Variants in SGCZ observed in about 807,000 individuals in gnomAD.
SGCZ encodes sarcoglycan zeta.
A neutral mutation model predicts 41.3 loss-of-function variants in SGCZ; 40 were observed. The observed-to-expected ratio is 0.97, with a 90% CI of 0.75 to 1.26. The LOEUF is 1.26. Ranked by LOEUF, SGCZ falls within the 50% of genes most tolerant of loss-of-function variation. The pLI, the probability that SGCZ is intolerant of heterozygous loss-of-function variation, is 0.00. For missense variants in SGCZ, 552 were observed against 369.8 expected (o/e 1.49, Z -4.04); for synonymous variants, 206 against 137.5 (o/e 1.50, Z -3.49).
At chr8:15,114,744 C>T (rs527819130) in intron 1 of SGCZ, among the ~76,000 whole-genome samples, 4 of 150,532 alleles carry the variant, frequency 2.7e-5, no homozygotes, top group African/African-American at 2.4e-5. Context: ...GAGATACAAG[C>T]GTTTTCTTTT....
In SGCZ at chr8:14,111,870, A is replaced by G. The variant is rs151302044; in HGVS notation, c.548-3635T>C. On this transcript the variant is annotated intron_variant, in intron 5 of 7. Transcript: ENST00000382080. ...GACCGTTTAAGACATAAGCTAGGAT[A>G]CTACCCTTTACAAATGCCTAACATA... is the stretch of plus-strand genomic sequence containing the variant. Among the ~76,000 whole-genome samples, 11 of 152,344 alleles carry G rather than the reference A, an allele frequency of 7.2e-5. No individual in the cohort carries two copies. In the East Asian group the frequency reaches 1.9e-3, roughly 27 times the overall value.
rs1266909491 is a variant in SGCZ, at chr8:14,090,646, A to G, written c.745-9T>C. 1 of 1,605,658 alleles carries G rather than the reference A, an allele frequency of 6.2e-7. No homozygotes were observed. The highest frequency in any genetic ancestry group is 2.2e-5 in the East Asian group (1 of 44,786). On this transcript the variant is annotated splice_polypyrimidine_tract_variant and intron_variant, in intron 7 of 7. Transcript: ENST00000382080. ...TCTGCATTTAAAAATATCTATGGGA[A>G]AAAAGAAATTGCATTTTAATTCATT...
At chr8:15,181,426 G>C (rs1442738444) in intron 1 of SGCZ, among the ~76,000 whole-genome samples, 1 of 152,082 alleles carries the variant, frequency 6.6e-6, no homozygotes, top group Non-Finnish European at 1.5e-5. Flanking sequence ...AAAATAGCAT[G>C]TGTTCCCATG....
chr8:14,571,393 A>T (rs534480320), intron 1 of SGCZ, among the ~76,000 whole-genome samples: 1 of 152,320 alleles, frequency 6.6e-6, no homozygotes, highest in Non-Finnish European at 1.5e-5. Context: ...CAAACCAAGT[A>T]GTCACTGTTT....
intron 2 of SGCZ, among the ~76,000 whole-genome samples, chr8:14,386,966 G>C (rs1038265371): frequency 4.6e-5 from 7 of 152,182 alleles, no homozygotes; most frequent in African/African-American, 1.7e-4. Context: ...GAATTTCATA[G>C]AATCTAGTTT....
At chr8:14,767,154 T>G (rs982317645) in intron 1 of SGCZ, among the ~76,000 whole-genome samples, 1 of 152,132 alleles carries the variant, frequency 6.6e-6, no homozygotes, top group Non-Finnish European at 1.5e-5. Flanking sequence ...CTTTGCCCAA[T>G]GTGATGATGA....
intron 1 of SGCZ, among the ~76,000 whole-genome samples, chr8:14,877,004 T>C (rs571650760): frequency 1.5e-4 from 23 of 152,178 alleles, no homozygotes; most frequent in Non-Finnish European, 2.5e-4. Context: ...AGACAGAGTC[T>C]CACCCTGTCA....
intron 1 of SGCZ, among the ~76,000 whole-genome samples, chr8:14,788,314 G>GT (rs1800838609): frequency 6.6e-6 from 1 of 152,210 alleles, no homozygotes; most frequent in Non-Finnish European, 1.5e-5. Context: ...ACTGAACAAT[G>GT]TGTGTTGGAA....
At chr8:14,964,997 T>C (rs889292154) in intron 1 of SGCZ, among the ~76,000 whole-genome samples, 1 of 152,096 alleles carries the variant, frequency 6.6e-6, no homozygotes, top group African/African-American at 2.4e-5. Context: ...ACCCACTCAG[T>C]TCTAATCCAC....
intron 1 of SGCZ, among the ~76,000 whole-genome samples, chr8:14,859,757 G>A (rs961449994): frequency 2.0e-5 from 3 of 152,110 alleles, no homozygotes; most frequent in Admixed American, 1.3e-4. Flanking sequence ...GTAAGCCAGC[G>A]AAATATGAGT....
At chr8:14,863,926 G>C (rs1803840220) in intron 1 of SGCZ, among the ~76,000 whole-genome samples, 1 of 152,108 alleles carries the variant, frequency 6.6e-6, no homozygotes, top group Admixed American at 6.6e-5. Flanking sequence ...TGGAAGAAAT[G>C]ACCAGAACTT....
chr8:14,415,624 G>T (rs1799472495), intron 2 of SGCZ, among the ~76,000 whole-genome samples: 1 of 151,922 alleles, frequency 6.6e-6, no homozygotes, highest in African/African-American at 2.4e-5. Context: ...CTTTGAATCA[G>T]ATCTACGCTT....
At chr8:14,173,332 C>T (rs76896931) in intron 4 of SGCZ, among the ~76,000 whole-genome samples, 3,800 of 151,796 alleles carry the variant, frequency 0.025, 60 homozygotes, top group Middle Eastern at 0.051. Flanking sequence ...TTATTATAAA[C>T]ATGTTCAAAG....
At chr8:15,053,896 C>T (rs1437847468) in intron 1 of SGCZ, among the ~76,000 whole-genome samples, 2 of 152,108 alleles carry the variant, frequency 1.3e-5, no homozygotes, top group East Asian at 3.9e-4. Flanking sequence ...AGAATTCTGA[C>T]ACCAAAACCC....
intron 1 of SGCZ, among the ~76,000 whole-genome samples, chr8:14,577,888 A>G (rs904053367): frequency 6.6e-6 from 1 of 152,244 alleles, no homozygotes; most frequent in Non-Finnish European, 1.5e-5. Flanking sequence ...TAAATACTCA[A>G]TAAACACTTA....
intron 3 of SGCZ, among the ~76,000 whole-genome samples, chr8:14,259,394 G>A (rs1304509234): frequency 6.6e-6 from 1 of 151,488 alleles, no homozygotes; most frequent in East Asian, 1.9e-4. Flanking sequence ...CCATGCCTAT[G>A]TCCTGAATGG....
chr8:14,315,881 A>G (rs1801697983), intron 3 of SGCZ, among the ~76,000 whole-genome samples: 1 of 151,884 alleles, frequency 6.6e-6, no homozygotes. Flanking sequence ...GACTGTTCAG[A>G]ATATTTAAAT....
At chr8:14,107,980 G>T (rs372494853) in intron 6 of SGCZ, among the ~76,000 whole-genome samples, 183 bp downstream of exon 6, 2 of 152,024 alleles carry the variant, frequency 1.3e-5, no homozygotes, top group East Asian at 1.9e-4. Flanking sequence ...CTCACTTACT[G>T]TATAACTGCC....
Position 15,157,032 on chromosome 8 carries a change from G to A in SGCZ, c.39+80553C>T, listed in dbSNP as rs562945789. Among the ~76,000 whole-genome samples, 8 of 151,974 alleles carry A rather than the reference G, an allele frequency of 5.3e-5. No homozygotes were observed. The East Asian group carries it at 9.6e-4, about 18-fold the overall frequency. ...ATTCTCAAATAGTTTCTTTTCTCTG[G>A]GAATCTTTCATGAAAAAAACATGAA... On this transcript the variant is annotated intron_variant, in intron 1 of 7. Coordinates refer to ENST00000382080, the MANE Select transcript of SGCZ (RefSeq NM_139167.4).
Sources: allele counts gnomAD v4.1 joint callset (sites outside exome capture counted in the v4.1 genomes callset), GRCh38; gene constraint gnomAD v4.1.1; transcripts MANE v1.5; gene names NCBI Gene and HGNC (gene_info 2026-07-23, HGNC 2026-07-21).